CHN2: variants seen among roughly 807,000 people sequenced by gnomAD.
CHN2 encodes beta-chimaerin.
Under a neutral mutation model 56.3 loss-of-function variants are expected in CHN2, and 35 were observed. That is an observed-to-expected ratio of 0.62 (90% CI 0.47 to 0.82). CHN2 has a LOEUF of 0.82. CHN2 is among the 40% of genes least tolerant of loss of function. The pLI is 0.00. For missense variants in CHN2, 491 were observed against 580.5 expected (o/e 0.85, Z 1.58); for synonymous variants, 210 against 212.8 (o/e 0.99, Z 0.12).
intron 7 of CHN2, among the ~76,000 whole-genome samples, chr7:29,481,389 C>G (rs897191204): frequency 8.5e-5 from 13 of 152,188 alleles, no homozygotes; most frequent in Admixed American, 2.0e-4. Context: ...TATTCTGTTG[C>G]TTTCCGATCC....
At chr7:29,228,304 A>G (rs542940954) in intron 1 of CHN2, among the ~76,000 whole-genome samples, 61 of 152,290 alleles carry the variant, frequency 4.0e-4, no homozygotes, top group African/African-American at 1.4e-3. Context: ...ATTATAATGC[A>G]GTATTTTTAG....
At chr7:29,399,990 C>A (rs2128084230) in intron 5 of CHN2, among the ~76,000 whole-genome samples, 1 of 152,144 alleles carries the variant, frequency 6.6e-6, no homozygotes, top group Non-Finnish European at 1.5e-5. Flanking sequence ...GTTTAGCACA[C>A]CTTATTGCTT....
intron 1 of CHN2, among the ~76,000 whole-genome samples, chr7:29,277,688 A>G (rs1791349178): frequency 6.6e-6 from 1 of 152,162 alleles, no homozygotes; most frequent in Non-Finnish European, 1.5e-5. Flanking sequence ...AAGTCATTGC[A>G]CACATACTGT....
chr7:29,508,310 A>G (rs1583446952), intron 11 of CHN2, among the ~76,000 whole-genome samples: 1 of 152,168 alleles, frequency 6.6e-6, no homozygotes, highest in South Asian at 2.1e-4. Context: ...TTTGCCCAGG[A>G]AGAGTCAAAA....
At chr7:29,254,113 C>T (rs1788866122) in intron 1 of CHN2, among the ~76,000 whole-genome samples, 1 of 152,200 alleles carries the variant, frequency 6.6e-6, no homozygotes, top group Non-Finnish European at 1.5e-5. Context: ...CCTTGTTGGT[C>T]AGGCTGGTTT....
rs527393938 is a variant in CHN2, at chr7:29,289,318, A to T, written c.50-65307A>T. Reference sequence around the variant, plus strand: ...AGGAGGAAATGACAAGGGAGAGGCAAGATGGACATACGCCTCTTGTTGGAG... The same window carrying T: ...AGGAGGAAATGACAAGGGAGAGGCATGATGGACATACGCCTCTTGTTGGAG... On this transcript the variant is annotated intron_variant, in intron 1 of 12. Coordinates refer to ENST00000222792, the MANE Select transcript of CHN2 (RefSeq NM_004067.4). Among the ~76,000 whole-genome samples, 69 of 152,266 alleles carry T rather than the reference A, an allele frequency of 4.5e-4. 1 individual carries two copies. Among genetic ancestry groups the T allele is most frequent in the Middle Eastern group, 3.4e-3 (1 of 294 alleles).
intron 1 of CHN2, among the ~76,000 whole-genome samples, chr7:29,238,792 A>G (rs1787408568): frequency 6.6e-6 from 1 of 152,216 alleles, no homozygotes; most frequent in Non-Finnish European, 1.5e-5. Context: ...GAAAGAACAT[A>G]CTAGGTAGGG....
chr7:29,400,849 G>A (rs1219432298), intron 6 of CHN2, 21 bp downstream of exon 6: 2 of 1,608,002 alleles, frequency 1.2e-6, no homozygotes, highest in Non-Finnish European at 1.7e-6. Flanking sequence ...TGTGATGGAA[G>A]CAGCCTTTCG....
Position 29,480,357 on chromosome 7 carries a change from G to T in CHN2, c.654+1G>T. ...TTATGAGAAGACACACAACTTTAAGGTAAGCAAGCCTCTGCATTCCTTCTT... is the reference window on the plus strand; with the variant it reads ...TTATGAGAAGACACACAACTTTAAGTTAAGCAAGCCTCTGCATTCCTTCTT... On this transcript the variant is annotated splice_donor_variant, in intron 7 of 12. Coordinates refer to ENST00000222792, the MANE Select transcript of CHN2 (RefSeq NM_004067.4). LOFTEE classifies it high-confidence loss of function. 1 of 1,614,002 alleles carries T rather than the reference G, an allele frequency of 6.2e-7. No individual in the cohort carries two copies. Among genetic ancestry groups the T allele is most frequent in the Non-Finnish European group, 8.5e-7 (1 of 1,179,858 alleles).
intron 1 of CHN2, among the ~76,000 whole-genome samples, chr7:29,198,543 T>C (rs1352972403): frequency 2.0e-5 from 3 of 152,232 alleles, no homozygotes; most frequent in Non-Finnish European, 4.4e-5. Flanking sequence ...TTTGTTTTAA[T>C]AACTACTGGT....
chr7:29,313,467 T>G lies in CHN2; in HGVS notation c.50-41158T>G, dbSNP rs546785413. 8.2e-4 allele frequency among the ~76,000 whole-genome samples: 125 copies of G among 151,848 alleles called. 1 individual carries two copies. Among genetic ancestry groups the G allele is most frequent in the African/African-American group, 2.7e-3 (110 of 41,204 alleles). On this transcript the variant is annotated intron_variant, in intron 1 of 12. Coordinates refer to ENST00000222792, the MANE Select transcript of CHN2 (RefSeq NM_004067.4). ...TGAGTTCCCAGAGGTGTCAGCTCAC[T>G]CTCAGAAAAATGCAGAAGCAGCCCT...
At chr7:29,284,978 C>A (rs1169469780) in intron 1 of CHN2, among the ~76,000 whole-genome samples, 1 of 152,174 alleles carries the variant, frequency 6.6e-6, no homozygotes, top group African/African-American at 2.4e-5. Context: ...TTTGATCTAG[C>A]CCAGTTGTTT....
chr7:29,423,641 CTT>C (rs2128107435), intron 6 of CHN2, among the ~76,000 whole-genome samples: 1 of 152,352 alleles, frequency 6.6e-6, no homozygotes, highest in Non-Finnish European at 1.5e-5. Context: ...ACTTTATTTT[CTT>C]TTTAATTCAT....
At chr7:29,198,426 CAA>C (rs762737875) in intron 1 of CHN2, among the ~76,000 whole-genome samples, 1 of 152,120 alleles carries the variant, frequency 6.6e-6, no homozygotes, top group Non-Finnish European at 1.5e-5. Context: ...TGAGACATAA[CAA>C]ATGAAATAAT....
intron 7 of CHN2, among the ~76,000 whole-genome samples, chr7:29,481,010 C>CT (rs777616175): frequency 9.1e-4 from 139 of 152,300 alleles, no homozygotes; most frequent in Admixed American, 4.5e-3. Context: ...GGAAAGACCG[C>CT]TATGTTCGTT....
Position 29,363,423 on chromosome 7 carries a change from T to G in CHN2, c.89-4509T>G, listed in dbSNP as rs537240685. Among the ~76,000 whole-genome samples, 119 of 152,274 alleles carry G rather than the reference T, an allele frequency of 7.8e-4. 1 individual carries two copies. The highest frequency in any genetic ancestry group is 1.5e-3 in the Non-Finnish European group (100 of 68,014). The stretch of plus-strand genomic sequence containing the variant: ...TTGCTTGAATCCAGGAGGTGGAGGT[T>G]GCAGTGAGCCGAGATTGTGCCACTG... On this transcript the variant is annotated intron_variant, in intron 2 of 12. Coordinates refer to ENST00000222792, the MANE Select transcript of CHN2 (RefSeq NM_004067.4).
At chr7:29,506,324 TA>T (rs1304564787) in intron 10 of CHN2, among the ~76,000 whole-genome samples, 1 of 152,066 alleles carries the variant, frequency 6.6e-6, no homozygotes, top group Non-Finnish European at 1.5e-5. Flanking sequence ...ATAATATATT[TA>T]AAGTGCTGAA....
rs184889836 is a variant in CHN2, at chr7:29,408,600, A to G, written c.576+7772A>G. Among the ~76,000 whole-genome samples, 244 of 152,318 alleles carry G rather than the reference A, an allele frequency of 1.6e-3. 2 individuals are homozygous for G. Among genetic ancestry groups the G allele is most frequent in the Non-Finnish European group, 2.5e-3 (170 of 68,028 alleles). ...CAGGGTTTGGCTTTGCTCCCTTTCC[A>G]TGACTCCTTTCCCGAGATTATTGCC... On this transcript the variant is annotated intron_variant, in intron 6 of 12. Coordinates refer to ENST00000222792, the MANE Select transcript of CHN2 (RefSeq NM_004067.4).
At chr7:29,487,393 A>C (rs1283118043) in intron 7 of CHN2, among the ~76,000 whole-genome samples, 1 of 152,170 alleles carries the variant, frequency 6.6e-6, no homozygotes, top group Non-Finnish European at 1.5e-5. Context: ...TTATTAAAAA[A>C]ATGTTGTTTC....
Sources: gnomAD v4.1 joint callset for allele counts (sites outside exome capture counted in the v4.1 genomes callset) on GRCh38, gnomAD v4.1.1 for gene constraint, MANE v1.5 for transcripts, NCBI Gene and HGNC (gene_info 2026-07-23, HGNC 2026-07-21) for gene names.